CORO2B: variants seen among roughly 807,000 people sequenced by gnomAD.
CORO2B encodes the protein coronin 2B.
Under a neutral mutation model 58.8 loss-of-function variants are expected in CORO2B, and 26 were observed. The observed-to-expected ratio is 0.44, with a 90% CI of 0.32 to 0.61. The LOEUF (loss-of-function observed/expected upper bound fraction) is 0.61. Ranked by LOEUF, CORO2B falls within the 20% of genes least tolerant of loss-of-function variation. CORO2B has a pLI of 0.04. For synonymous variants in CORO2B, 242 were observed against 253.8 expected (o/e 0.95, Z 0.44); for missense variants, 460 against 645.1 (o/e 0.71, Z 3.11).
upstream of CORO2B, among the ~76,000 whole-genome samples, chr15:68,575,583 G>GCCCCC (rs1423253475): frequency 5.4e-5 from 3 of 55,956 alleles, 1 homozygote; most frequent in Admixed American, 2.8e-4. Flanking sequence ...ATCTGCCCCC[G>GCCCCC]CCTCGGCCTC....
intron 1 of CORO2B, 34 bp downstream of exon 1, chr15:68,579,311 G>C: frequency 1.0e-5 from 13 of 1,273,514 alleles, no homozygotes; most frequent in South Asian, 2.4e-5. Flanking sequence ...CCCGGGACCC[G>C]CCGGCGCCTG....
the CORO2B span, among the ~76,000 whole-genome samples, chr15:68,534,869 T>C: frequency 6.6e-6 from 1 of 152,200 alleles, no homozygotes; most frequent in East Asian, 1.9e-4. Flanking sequence ...ACATCTTATG[T>C]GGCAGCAGAC....
At chr15:68,613,373 A>G (rs1900283466) in intron 1 of CORO2B, among the ~76,000 whole-genome samples, 1 of 152,240 alleles carries the variant, frequency 6.6e-6, no homozygotes, top group African/African-American at 2.4e-5. Context: ...GAAGCGGCAT[A>G]TTAAAATGGC....
intron 11 of CORO2B, among the ~76,000 whole-genome samples, chr15:68,722,379 C>T (rs1160642125): frequency 6.6e-6 from 1 of 152,188 alleles, no homozygotes; most frequent in Admixed American, 6.5e-5. Context: ...TTTTAATCAT[C>T]GTAGCAGTTC....
intron 3 of CORO2B, among the ~76,000 whole-genome samples, chr15:68,703,610 A>G (rs185165891): frequency 1.3e-5 from 2 of 152,270 alleles, no homozygotes; most frequent in Admixed American, 1.3e-4. Flanking sequence ...TCTATACCAT[A>G]TATACAGACA....
At chr15:68,649,749 A>T (rs2140276746) in intron 2 of CORO2B, among the ~76,000 whole-genome samples, 1 of 152,338 alleles carries the variant, frequency 6.6e-6, no homozygotes, top group East Asian at 1.9e-4. Context: ...AAGACAAAAA[A>T]GTTAATGAGA....
intron 3 of CORO2B, among the ~76,000 whole-genome samples, chr15:68,698,864 G>C (rs1892575653): frequency 1.3e-5 from 2 of 152,260 alleles, no homozygotes; most frequent in South Asian, 2.1e-4. Context: ...GCGCAGAGGG[G>C]CAGGGCCCAC....
intron 3 of CORO2B, among the ~76,000 whole-genome samples, chr15:68,709,044 A>G (rs1275060109): frequency 1.3e-5 from 2 of 152,246 alleles, no homozygotes; most frequent in Non-Finnish European, 2.9e-5. Context: ...TCAATTGACT[A>G]GTATTACATA....
intron 8 of CORO2B, among the ~76,000 whole-genome samples, chr15:68,716,575 G>A (rs1893037044): frequency 6.6e-6 from 1 of 152,206 alleles, no homozygotes; most frequent in Non-Finnish European, 1.5e-5. Flanking sequence ...AATATTGGAT[G>A]GGAATGAGTT....
At chr15:68,546,097 C>T in the CORO2B span, among the ~76,000 whole-genome samples, 109 of 152,242 alleles carry the variant, frequency 7.2e-4, no homozygotes, top group Non-Finnish European at 1.2e-3. Context: ...GGTAGAAAAT[C>T]GACTTGGTGC....
chr15:68,676,209 T>C (rs949583355), intron 2 of CORO2B, among the ~76,000 whole-genome samples: 7 of 152,206 alleles, frequency 4.6e-5, no homozygotes, highest in Admixed American at 1.3e-4. Flanking sequence ...AGATGCCCAT[T>C]ATGATCCAAT....
chr15:68,687,161 G>T (rs1157991375), intron 2 of CORO2B, among the ~76,000 whole-genome samples: 1 of 152,146 alleles, frequency 6.6e-6, no homozygotes, highest in African/African-American at 2.4e-5. Flanking sequence ...AAGCAGCAAG[G>T]GTATCAGACC....
At chr15:68,534,923 AAAGCATTAG>A in the CORO2B span, among the ~76,000 whole-genome samples, 346 of 151,908 alleles carry the variant, frequency 2.3e-3, no homozygotes, top group Middle Eastern at 0.024. Context: ...TCCCTTTATA[AAAGCATTAG>A]ATCTTGTGAG....
At chr15:68,625,856 T>G (rs1037017553) in intron 1 of CORO2B, among the ~76,000 whole-genome samples, 1 of 152,038 alleles carries the variant, frequency 6.6e-6, no homozygotes, top group African/African-American at 2.4e-5. Context: ...CTGCCCCCCT[T>G]GGCCTCCCAA....
chr15:68,575,577 G>GCACC (rs370419859), upstream of CORO2B, among the ~76,000 whole-genome samples: 137 of 38,742 alleles, frequency 3.5e-3, 22 homozygotes, highest in African/African-American at 7.5e-3. Flanking sequence ...CTTGTGATCT[G>GCACC]CCCCCGCCTC....
At chr15:68,530,874 A>G in the CORO2B span, among the ~76,000 whole-genome samples, 1 of 152,188 alleles carries the variant, frequency 6.6e-6, no homozygotes, top group Non-Finnish European at 1.5e-5. Flanking sequence ...TTTCTTATAG[A>G]TAGCATATAG....
chr15:68,688,942 C>A (rs1244955392), intron 2 of CORO2B, among the ~76,000 whole-genome samples: 1 of 151,898 alleles, frequency 6.6e-6, no homozygotes, highest in East Asian at 2.0e-4. Context: ...CCTCCTGGGG[C>A]TGGGGATCAG....
At chr15:68,529,966 CTGT>C in the CORO2B span, among the ~76,000 whole-genome samples, 1 of 151,998 alleles carries the variant, frequency 6.6e-6, no homozygotes, top group East Asian at 1.9e-4. Context: ...TGATATTTTT[CTGT>C]TGTTGATTTG....
At position 68,687,989 on chromosome 15, in the gene CORO2B, T is replaced by C. The variant is rs1024415225; in HGVS notation, c.217-7151T>C. ...TCCAACACATGAACTCTGGGGAACA[T>C]GTTCAAGCCATAGCACCCTCCAGAC... On this transcript the variant is annotated intron_variant, in intron 2 of 11. Transcript: ENST00000261861. Among the ~76,000 whole-genome samples, 17 of 152,324 alleles carry C rather than the reference T, an allele frequency of 1.1e-4. 1 individual carries two copies. The highest frequency in any genetic ancestry group is 9.8e-4 in the Admixed American group (15 of 15,300).
Sources: gnomAD v4.1 joint callset for allele counts (sites outside exome capture counted in the v4.1 genomes callset) on GRCh38, gnomAD v4.1.1 for gene constraint, MANE v1.5 for transcripts, NCBI Gene and HGNC (gene_info 2026-07-23, HGNC 2026-07-21) for gene names.